The following SPTLC1 variants were observed in gnomAD, a reference collection of about 807,000 sequenced individuals.
SPTLC1 encodes the protein serine palmitoyltransferase 1.
A neutral mutation model predicts 68.9 loss-of-function variants in SPTLC1; 55 were observed. The observed-to-expected ratio is 0.80, with a 90% CI of 0.64 to 1.00. SPTLC1 has a LOEUF of 1.00. SPTLC1 is among the 50% of genes least tolerant of loss of function. The pLI is 0.00. For synonymous variants in SPTLC1, 197 were observed against 201.6 expected (o/e 0.98, Z 0.19); for missense variants, 449 against 573.1 (o/e 0.78, Z 2.21).
chr9:92,032,638 A>C (rs1367536473), intron 14 of SPTLC1, 80 bp from the exon 15 acceptor site: 2 of 1,566,732 alleles, frequency 1.3e-6, no homozygotes, highest in Non-Finnish European at 1.7e-6. Flanking sequence ...AGCACTTTGG[A>C]GGCCAAGGCA....
intron 3 of SPTLC1, among the ~76,000 whole-genome samples, chr9:92,096,721 A>C (rs976679356): frequency 2.0e-5 from 3 of 152,338 alleles, no homozygotes; most frequent in African/African-American, 7.2e-5. Context: ...CAAAAACTAT[A>C]AACTGTTAGA....
intron 3 of SPTLC1, chr9:92,104,359 C>G (rs191164767): frequency 1.4e-6 from 2 of 1,397,144 alleles, no homozygotes; most frequent in Non-Finnish European, 1.9e-6. Flanking sequence ...GGGCCGTTTC[C>G]CACTCCTCTT....
At chr9:92,098,388 G>A (rs753353416) in intron 3 of SPTLC1, among the ~76,000 whole-genome samples, 16 of 152,154 alleles carry the variant, frequency 1.1e-4, no homozygotes, top group Middle Eastern at 6.8e-3. Flanking sequence ...TCCCCCTGCG[G>A]ACCAGTGAAC....
chr9:92,059,126 A>G, intron 7 of SPTLC1, 53 bp downstream of exon 7: 1 of 1,592,854 alleles, frequency 6.3e-7, no homozygotes, highest in Non-Finnish European at 8.6e-7. Flanking sequence ...TATATAATTT[A>G]GCTGGTTAGA....
At position 92,059,248 on chromosome 9, in the gene SPTLC1, C is replaced by T; in HGVS notation, c.621G>A (p.Lys207=). ...CAGCCATGTCATTATGCTTAAATAA[C>T]TTAATGTCACTACGGGATGCCTGTA... is the stretch of plus-strand genomic sequence containing the variant. ...KGLQASRSDI[K]LFKHNDMADL... Residue 207 remains lysine, a synonymous_variant, in exon 7 of 15, where the codon AAG becomes AAA. Coordinates refer to ENST00000262554, the MANE Select transcript of SPTLC1 (RefSeq NM_006415.4). The T allele has an allele frequency of 6.2e-7, 1 of 1,614,040 alleles. No homozygotes were observed. Among genetic ancestry groups the T allele is most frequent in the Non-Finnish European group, 8.5e-7 (1 of 1,179,986 alleles).
chr9:92,114,361 A>G (rs888516286), intron 1 of SPTLC1, among the ~76,000 whole-genome samples: 1 of 152,252 alleles, frequency 6.6e-6, no homozygotes, highest in Non-Finnish European at 1.5e-5. Context: ...ATGAATGAAC[A>G]CTAAGATTGA....
chr9:92,044,036 A>T (rs1833431898), intron 12 of SPTLC1, among the ~76,000 whole-genome samples: 1 of 151,944 alleles, frequency 6.6e-6, no homozygotes, highest in Non-Finnish European at 1.5e-5. Context: ...TGCCCCTGCG[A>T]CCCTTATGAA....
intron 3 of SPTLC1, chr9:92,104,938 T>C (rs1295902773): frequency 1.3e-6 from 2 of 1,534,368 alleles, no homozygotes; most frequent in African/African-American, 1.4e-5. Flanking sequence ...ACAGCCCTGT[T>C]GGAGGCATCC....
intron 12 of SPTLC1, among the ~76,000 whole-genome samples, chr9:92,043,904 C>T (rs767681199): frequency 2.6e-5 from 4 of 152,212 alleles, no homozygotes; most frequent in East Asian, 1.9e-4. Context: ...TCCCTGTGTG[C>T]GGATGGCCCA....
chr9:92,112,312 C>T, intron 2 of SPTLC1, 143 bp downstream of exon 2: 2 of 647,254 alleles, frequency 3.1e-6, no homozygotes, highest in Non-Finnish European at 5.5e-6. Context: ...TTTTGCCTAC[C>T]CTAATAATTC....
At chr9:92,101,063 C>T (rs1289343171) in intron 3 of SPTLC1, among the ~76,000 whole-genome samples, 1 of 152,136 alleles carries the variant, frequency 6.6e-6, no homozygotes, top group Admixed American at 6.5e-5. Context: ...TGAAACTTGA[C>T]ACCACCAAAG....
chr9:92,066,228 T>G (rs969648579), intron 6 of SPTLC1, among the ~76,000 whole-genome samples: 5 of 152,314 alleles, frequency 3.3e-5, no homozygotes, highest in Middle Eastern at 3.4e-3. Flanking sequence ...AGGGTGCGTG[T>G]GAGAGAGTGT....
intron 3 of SPTLC1, among the ~76,000 whole-genome samples, chr9:92,083,596 C>A (rs1218388886): frequency 1.3e-5 from 2 of 152,130 alleles, no homozygotes; most frequent in East Asian, 3.8e-4. Flanking sequence ...TTCCATTGAT[C>A]TATATCTCTG....
At chr9:92,113,335 A>C (rs896943796) in intron 1 of SPTLC1, among the ~76,000 whole-genome samples, 2 of 152,176 alleles carry the variant, frequency 1.3e-5, no homozygotes, top group African/African-American at 4.8e-5. Context: ...TTTTCTCAAT[A>C]GTTGGATTCT....
chr9:92,079,889 A>G (rs1423208715), intron 5 of SPTLC1, 127 bp downstream of exon 5: 2 of 828,094 alleles, frequency 2.4e-6, no homozygotes, highest in Non-Finnish European at 2.1e-6. Context: ...TCCTGGGCTC[A>G]AGGAATCCTC....
chr9:92,106,490 A>AG (rs1306424048), intron 3 of SPTLC1, among the ~76,000 whole-genome samples: 34 of 150,562 alleles, frequency 2.3e-4, no homozygotes, highest in Non-Finnish European at 4.0e-4. Context: ...AAAAAAAAAA[A>AG]AAGTAAGACA....
intron 5 of SPTLC1, 113 bp from the exon 6 acceptor site, chr9:92,068,211 C>A: frequency 2.0e-6 from 2 of 994,550 alleles, no homozygotes; most frequent in East Asian, 2.6e-5. Context: ...CACCTTATGG[C>A]CAAAATGGAA....
intron 6 of SPTLC1, among the ~76,000 whole-genome samples, chr9:92,065,033 T>G (rs1564095820): frequency 6.6e-6 from 1 of 152,230 alleles, no homozygotes; most frequent in East Asian, 1.9e-4. Flanking sequence ...AATGACAAAG[T>G]CAATATCCTG....
At chr9:92,104,692 C>G (rs562851186) in intron 3 of SPTLC1, 2 of 1,527,268 alleles carry the variant, frequency 1.3e-6, no homozygotes, top group South Asian at 1.2e-5. Context: ...AGGTGAAAGA[C>G]CAGGTAGAGA....
Sources: gnomAD v4.1 joint callset for allele counts (sites outside exome capture counted in the v4.1 genomes callset) on GRCh38, gnomAD v4.1.1 for gene constraint, MANE v1.5 for transcripts, NCBI Gene and HGNC (gene_info 2026-07-23, HGNC 2026-07-21) for gene names.